The following LRP1B variants were observed in gnomAD, a reference collection of about 807,000 sequenced individuals.
LRP1B encodes LDL receptor related protein 1B.
A neutral mutation model predicts 556.6 loss-of-function variants in LRP1B; 217 were observed. That is an observed-to-expected ratio of 0.39 (90% CI 0.35 to 0.44). The LOEUF is 0.44. LRP1B is among the 20% of genes least tolerant of loss of function. The pLI, the probability that LRP1B is intolerant of heterozygous loss-of-function variation, is 1.00. For synonymous variants in LRP1B, 2,047 were observed against 1,865.8 expected, an observed-to-expected ratio of 1.10 and a Z score of -2.50; for missense variants, 5,053 against 5,620.8, an observed-to-expected ratio of 0.90 and a Z score of 3.23.
chr2:141,047,550 G>T (rs185121404), intron 11 of LRP1B, among the ~76,000 whole-genome samples: 2 of 152,006 alleles, frequency 1.3e-5, no homozygotes, highest in African/African-American at 4.8e-5. Context: ...GATTCATTCT[G>T]CACCAAACAA....
At chr2:140,250,045 A>G (rs1681338494) in intron 86 of LRP1B, among the ~76,000 whole-genome samples, 1 of 151,826 alleles carries the variant, frequency 6.6e-6, no homozygotes. Flanking sequence ...TGTGCTGGTC[A>G]TCTTTAATCT....
chr2:140,441,810 A>G (rs1025951057), intron 66 of LRP1B, among the ~76,000 whole-genome samples: 1 of 152,218 alleles, frequency 6.6e-6, no homozygotes, highest in African/African-American at 2.4e-5. Flanking sequence ...AACAGGCTCA[A>G]TTAATGTTAA....
At position 142,130,800 on chromosome 2, in the gene LRP1B, G is replaced by A; in HGVS notation, c.-71C>T. The A allele has an allele frequency of 7.9e-7, 1 of 1,273,826 alleles. No homozygotes were observed. Among genetic ancestry groups the A allele is most frequent in the Non-Finnish European group, 1.1e-6 (1 of 889,002 alleles). 78.9% of individuals were successfully genotyped at this position (1,273,826 alleles called of 1,614,324 possible). On this transcript the variant is annotated 5_prime_UTR_variant, in exon 1 of 91. Coordinates refer to ENST00000389484, the MANE Select transcript of LRP1B (RefSeq NM_018557.3). ...CACCTTCGGCCCGGCGGCGGCGGCGGCGGCAGGGGCCGCTTGGAGCCTGGA... is the reference window on the plus strand; with the variant it reads ...CACCTTCGGCCCGGCGGCGGCGGCGACGGCAGGGGCCGCTTGGAGCCTGGA...
At chr2:140,440,103 C>T (rs144059736) in intron 66 of LRP1B, among the ~76,000 whole-genome samples, 278 of 152,100 alleles carry the variant, frequency 1.8e-3, no homozygotes, top group African/African-American at 6.3e-3. Flanking sequence ...AATGAAATAT[C>T]CAACTGATAA....
intron 11 of LRP1B, among the ~76,000 whole-genome samples, chr2:141,041,863 C>T (rs1415483872): frequency 2.6e-5 from 4 of 152,100 alleles, no homozygotes; most frequent in African/African-American, 9.6e-5. Context: ...TAAATATGTA[C>T]AATTATTATG....
chr2:141,320,988 C>T (rs1028204956), intron 3 of LRP1B, among the ~76,000 whole-genome samples: 6 of 152,054 alleles, frequency 3.9e-5, no homozygotes, highest in Non-Finnish European at 7.4e-5. Context: ...TAAGATATAA[C>T]AAAATATTTT....
intron 11 of LRP1B, among the ~76,000 whole-genome samples, chr2:141,020,603 G>A (rs74390754): frequency 0.035 from 5,246 of 152,030 alleles, 133 homozygotes; most frequent in Middle Eastern, 0.068. Context: ...AGGGGCACAA[G>A]TATGAAAGCC....
chr2:141,466,477 A>G (rs1682206336), intron 3 of LRP1B, among the ~76,000 whole-genome samples: 1 of 152,212 alleles, frequency 6.6e-6, no homozygotes, highest in South Asian at 2.1e-4. Context: ...TACCCTCTTG[A>G]AAAGATACAT....
chr2:141,433,500 C>T (rs1470551392), intron 3 of LRP1B, among the ~76,000 whole-genome samples: 2 of 152,054 alleles, frequency 1.3e-5, no homozygotes, highest in Admixed American at 6.6e-5. Flanking sequence ...AGTTCTCTAA[C>T]TTTTATTGTT....
At chr2:141,738,844 G>C (rs1048050709) in intron 2 of LRP1B, among the ~76,000 whole-genome samples, 1 of 152,046 alleles carries the variant, frequency 6.6e-6, no homozygotes, top group Non-Finnish European at 1.5e-5. Context: ...ATGTGATTAG[G>C]AAATGCCCAC....
At chr2:141,409,308 G>A (rs1690761445) in intron 3 of LRP1B, among the ~76,000 whole-genome samples, 1 of 152,032 alleles carries the variant, frequency 6.6e-6, no homozygotes, top group Non-Finnish European at 1.5e-5. Flanking sequence ...TTTAATCTTG[G>A]CTCTGTTACT....
chr2:140,834,527 C>T (rs955536875), intron 31 of LRP1B, among the ~76,000 whole-genome samples: 5 of 152,250 alleles, frequency 3.3e-5, no homozygotes, highest in African/African-American at 9.6e-5. Flanking sequence ...CGTGAGCCCC[C>T]GCGCCTGGCC....
intron 35 of LRP1B, among the ~76,000 whole-genome samples, chr2:140,748,810 CATGTATATAATATATATCAT>C (rs1688461749): frequency 1.0e-5 from 1 of 99,436 alleles, no homozygotes; most frequent in African/African-American, 4.1e-5. Flanking sequence ...ATATTATATA[CATGTATATAATATATATCAT>C]ATATTATATA....
At chr2:141,669,705 A>C (rs1379334660) in intron 2 of LRP1B, among the ~76,000 whole-genome samples, 3 of 126,170 alleles carry the variant, frequency 2.4e-5, no homozygotes, top group Admixed American at 2.1e-4. Flanking sequence ...TATATCCTAC[A>C]TACTTCTATT....
chr2:141,500,404 T>A (rs902890535), intron 2 of LRP1B, among the ~76,000 whole-genome samples: 1 of 152,078 alleles, frequency 6.6e-6, no homozygotes, highest in African/African-American at 2.4e-5. Context: ...TGTTGATCTG[T>A]GTTTTGTCAC....
At chr2:142,055,953 C>G (rs958893349) in intron 1 of LRP1B, among the ~76,000 whole-genome samples, 2 of 152,094 alleles carry the variant, frequency 1.3e-5, no homozygotes, top group African/African-American at 4.8e-5. Flanking sequence ...GAGTTCAAGA[C>G]AAGCCTGGCC....
chr2:140,612,950 A>G lies in LRP1B; in HGVS notation c.6800-11311T>C, dbSNP rs191452429. 1.5e-3 allele frequency among the ~76,000 whole-genome samples: 235 copies of G among 151,984 alleles called. 3 individuals are homozygous for G. Among genetic ancestry groups the G allele is most frequent in the African/African-American group, 5.1e-3 (211 of 41,508 alleles). ...CATTTTGCTCTTTCTGACACACTTC[A>G]GTCTTGACTTGGGGATTTATTTGCC... On this transcript the variant is annotated intron_variant, in intron 41 of 90. Coordinates refer to ENST00000389484, the MANE Select transcript of LRP1B (RefSeq NM_018557.3).
chr2:140,529,856 T>C (rs943949045), intron 47 of LRP1B, among the ~76,000 whole-genome samples: 6 of 151,930 alleles, frequency 3.9e-5, no homozygotes, highest in Non-Finnish European at 1.5e-5. Context: ...AATGACGAAC[T>C]TATGAACAAT....
At chr2:141,645,435 A>C (rs1315960433) in intron 2 of LRP1B, among the ~76,000 whole-genome samples, 1 of 144,814 alleles carries the variant, frequency 6.9e-6, no homozygotes, top group Non-Finnish European at 1.5e-5. Context: ...AGTAGCAGAC[A>C]TGGGATCATT....
Sources: allele counts gnomAD v4.1 joint callset (sites outside exome capture counted in the v4.1 genomes callset), GRCh38; gene constraint gnomAD v4.1.1; transcripts MANE v1.5; gene names NCBI Gene and HGNC (gene_info 2026-07-23, HGNC 2026-07-21).